BCAS3: variants seen among roughly 807,000 people sequenced by gnomAD.
The protein encoded by BCAS3 is BCAS3 microtubule associated cell migration factor, also known as BCAS4/BCAS3 fusion.
In BCAS3, 53 loss-of-function variants were observed where a neutral mutation model predicts 116.1. The ratio of observed to expected loss-of-function variants is 0.46; its 90% confidence interval spans 0.37 to 0.57. The LOEUF is 0.57. BCAS3 is among the 20% of genes least tolerant of loss of function. The pLI, the probability that BCAS3 is intolerant of heterozygous loss-of-function variation, is 0.00. For synonymous variants in BCAS3, 391 were observed against 408.2 expected, an observed-to-expected ratio of 0.96 and a Z score of 0.51; for missense variants, 917 against 1,165.4, an observed-to-expected ratio of 0.79 and a Z score of 3.10.
chr17:61,022,932 C>T (rs1441130469), intron 16 of BCAS3, among the ~76,000 whole-genome samples: 1 of 152,176 alleles, frequency 6.6e-6, no homozygotes, highest in Non-Finnish European at 1.5e-5. Context: ...CATGCCCAGC[C>T]TGCTAATGAA....
chr17:60,754,583 T>G (rs2042810747), intron 6 of BCAS3, among the ~76,000 whole-genome samples: 3 of 152,144 alleles, frequency 2.0e-5, no homozygotes, highest in Admixed American at 1.3e-4. Context: ...AGAATTATGT[T>G]AGTCTGGTGT....
chr17:61,050,173 A>C (rs1209062223), intron 19 of BCAS3, among the ~76,000 whole-genome samples: 1 of 152,100 alleles, frequency 6.6e-6, no homozygotes, highest in Non-Finnish European at 1.5e-5. Context: ...TATCAGCTTC[A>C]TATGAAATGT....
At chr17:60,681,886 T>C (rs1452247311) in intron 2 of BCAS3, among the ~76,000 whole-genome samples, 1 of 152,054 alleles carries the variant, frequency 6.6e-6, no homozygotes, top group Non-Finnish European at 1.5e-5. Context: ...TGCGCCACCA[T>C]GCCTGGCTAA....
intron 5 of BCAS3, among the ~76,000 whole-genome samples, chr17:60,716,467 T>G (rs557646218): frequency 6.6e-6 from 1 of 152,254 alleles, no homozygotes; most frequent in East Asian, 1.9e-4. Context: ...TCTTAAATTT[T>G]TTCTCTTTAA....
Position 61,188,514 on chromosome 17 carries a change from T to G in BCAS3, c.2425+103950T>G, listed in dbSNP as rs1196782758. Among the ~76,000 whole-genome samples the G allele has an allele frequency of 6.6e-6, 1 of 152,252 alleles. No individual in the cohort carries two copies. The highest frequency in any genetic ancestry group is 2.1e-4 in the South Asian group (1 of 4,830). On this transcript the variant is annotated intron_variant, in intron 22 of 23. Transcript: ENST00000407086. The surrounding 1 kb of genome is among the most constrained non-coding windows in gnomAD (Gnocchi z 4.0). Reference sequence around the variant, plus strand: ...AAAGTTGTTTATCTTAAATCTTGGCTCATTTGATTACTAGGATATTTTACT... The same window carrying G: ...AAAGTTGTTTATCTTAAATCTTGGCGCATTTGATTACTAGGATATTTTACT...
chr17:60,913,184 A>G (rs1775869247), intron 12 of BCAS3, among the ~76,000 whole-genome samples: 1 of 152,102 alleles, frequency 6.6e-6, no homozygotes, highest in Non-Finnish European at 1.5e-5. Context: ...TGAAACAAAT[A>G]TGTTTATTAA....
rs551106621 is a variant in BCAS3, at chr17:61,211,260, G to A, written c.2425+126696G>A. ...TCTGGTGTGTTCAGATGATAATCCAGTTGGCCACCAAGGGGTTGTGCTTCC... is the reference window on the plus strand; with the variant it reads ...TCTGGTGTGTTCAGATGATAATCCAATTGGCCACCAAGGGGTTGTGCTTCC... On this transcript the variant is annotated intron_variant, in intron 22 of 23. Coordinates refer to ENST00000407086, the MANE Select transcript of BCAS3 (RefSeq NM_017679.5). This position sits in a 1 kb window ranked among gnomAD's most constrained non-coding sequence, Gnocchi z 4.4. Among the ~76,000 whole-genome samples the A allele has an allele frequency of 5.3e-5, 8 of 152,302 alleles. No homozygotes were observed. In the South Asian group the frequency reaches 1.7e-3, roughly 32 times the overall value.
intron 22 of BCAS3, among the ~76,000 whole-genome samples, chr17:61,342,835 C>T (rs1387701410): frequency 1.3e-5 from 2 of 151,858 alleles, no homozygotes; most frequent in African/African-American, 4.8e-5. Context: ...CTGTAACCCC[C>T]GCCTCCTGGG....
intron 22 of BCAS3, among the ~76,000 whole-genome samples, chr17:61,089,463 G>A (rs2073347353): frequency 6.7e-6 from 1 of 148,722 alleles, no homozygotes; most frequent in South Asian, 2.1e-4. Context: ...CATGGACTGG[G>A]GGAAGAGTAT....
chr17:61,245,123 G>A (rs1361960603), intron 22 of BCAS3: 1 of 152,216 alleles, frequency 6.6e-6, no homozygotes. Context: ...TTAAAATCGT[G>A]GCGGAAGGGG....
Position 61,390,587 on chromosome 17 carries a change from C to G in BCAS3, c.2594-1390C>G, listed in dbSNP as rs1052517271. ...CCTCCCCTCCCCAGGCCCAGGTGCC[C>G]GCCTCCTCCCCACTCCACTCTGTGG... On this transcript the variant is annotated intron_variant, in intron 23 of 23. Transcript: ENST00000407086. This position sits in a 1 kb window ranked among gnomAD's most constrained non-coding sequence, Gnocchi z 6.8. 1 of 152,176 alleles carries G rather than the reference C, an allele frequency of 6.6e-6. No individual in the cohort carries two copies. Among genetic ancestry groups the G allele is most frequent in the African/African-American group, 2.4e-5 (1 of 41,376 alleles). The allele number at this position is 152,176 out of a possible 1,614,324, so 9.4% of individuals were successfully genotyped here. A position where few individuals can be genotyped will look rare whatever the true frequency, so the allele number is the denominator to read the frequency against.
At chr17:61,076,884 G>C (rs556350217) in intron 20 of BCAS3, among the ~76,000 whole-genome samples, 3 of 152,270 alleles carry the variant, frequency 2.0e-5, no homozygotes, top group Admixed American at 2.0e-4. Flanking sequence ...TGTGAATATT[G>C]TTCCAAAGAC....
intron 22 of BCAS3, among the ~76,000 whole-genome samples, chr17:61,318,456 T>C (rs772270150): frequency 4.6e-5 from 7 of 152,098 alleles, no homozygotes; most frequent in Non-Finnish European, 7.4e-5. Flanking sequence ...GACGGCACCA[T>C]CTCCCTCTCC....
Position 61,084,912 on chromosome 17 carries a change from C to CA in BCAS3, c.2425+350dup, listed in dbSNP as rs1240671042. ...ATACAATCTATGGATTCAATTTACTCAACCTGTTGAGTATCAAAGTGCCTA... is the reference window on the plus strand; with the variant it reads ...ATACAATCTATGGATTCAATTTACTCAAACCTGTTGAGTATCAAAGTGCCTA... On this transcript the variant is annotated intron_variant, in intron 22 of 23. Transcript: ENST00000407086. The surrounding 1 kb of genome is among the most constrained non-coding windows in gnomAD (Gnocchi z 5.5). 2.6e-5 allele frequency among the ~76,000 whole-genome samples: 4 copies of CA among 152,156 alleles called. No homozygotes were observed. The highest frequency in any genetic ancestry group is 1.3e-4 in the Admixed American group (2 of 15,280).
intron 7 of BCAS3, among the ~76,000 whole-genome samples, chr17:60,813,153 A>G (rs1321966679): frequency 6.6e-6 from 1 of 152,036 alleles, no homozygotes; most frequent in Non-Finnish European, 1.5e-5. Flanking sequence ...CTTTCCAGTA[A>G]CCATACTGTT....
intron 9 of BCAS3, among the ~76,000 whole-genome samples, chr17:60,875,292 G>T (rs1302244990): frequency 1.3e-5 from 2 of 152,026 alleles, no homozygotes; most frequent in Non-Finnish European, 2.9e-5. Context: ...GATAATATTT[G>T]CAGCTTTTCT....
Position 61,083,396 on chromosome 17 carries a change from C to T in BCAS3, c.2328-1071C>T, listed in dbSNP as rs1432603688. 2.0e-5 allele frequency among the ~76,000 whole-genome samples: 3 copies of T among 152,088 alleles called. No homozygotes were observed. Among genetic ancestry groups the T allele is most frequent in the Non-Finnish European group, 2.9e-5 (2 of 68,026 alleles). On this transcript the variant is annotated intron_variant, in intron 21 of 23. Coordinates refer to ENST00000407086, the MANE Select transcript of BCAS3 (RefSeq NM_017679.5). The surrounding 1 kb of genome is among the most constrained non-coding windows in gnomAD (Gnocchi z 4.9). ...TTGTTCTCAGAGTAATGCCTACAAGCAATTAATATTCAGTAAATACTTACT... is the reference window on the plus strand; with the variant it reads ...TTGTTCTCAGAGTAATGCCTACAAGTAATTAATATTCAGTAAATACTTACT...
At chr17:60,849,126 G>T (rs971578070) in intron 7 of BCAS3, among the ~76,000 whole-genome samples, 4 of 152,198 alleles carry the variant, frequency 2.6e-5, no homozygotes, top group African/African-American at 9.7e-5. Context: ...TAAGGAATTG[G>T]TTTGTGTAAT....
chr17:60,944,573 GA>G (rs2060385266), intron 13 of BCAS3, among the ~76,000 whole-genome samples: 1 of 151,678 alleles, frequency 6.6e-6, no homozygotes, highest in Non-Finnish European at 1.5e-5. Context: ...CACATTATTA[GA>G]AAAGAAAACC....
Sources: allele counts gnomAD v4.1 joint callset (sites outside exome capture counted in the v4.1 genomes callset), GRCh38; gene constraint gnomAD v4.1.1; non-coding constraint Gnocchi (gnomAD v3.1); transcripts MANE v1.5; gene names NCBI Gene and HGNC (gene_info 2026-07-23, HGNC 2026-07-21).